Variants in MID1 observed in about 807,000 individuals in gnomAD.
MID1 encodes E3 ubiquitin-protein ligase Midline-1.
A neutral mutation model predicts 40.4 loss-of-function variants in MID1; 7 were observed. That is an observed-to-expected ratio of 0.17 (90% CI 0.10 to 0.33). MID1 has a LOEUF of 0.33. Ranked by LOEUF, MID1 falls within the 10% of genes least tolerant of loss-of-function variation. The pLI is 1.00. For synonymous variants in MID1, 229 were observed against 221.2 expected, an observed-to-expected ratio of 1.04 and a Z score of -0.31; for missense variants, 367 against 558.5, an observed-to-expected ratio of 0.66 and a Z score of 3.46.
At chrX:10,460,641 G>C (rs1409404777) in intron 7 of MID1, among the ~76,000 whole-genome samples, 1 of 110,643 alleles carries the variant, frequency 9.0e-6, no homozygotes, top group Non-Finnish European at 1.9e-5. Context: ...TCCTGACTCT[G>C]TTGAATTTCC....
intron 1 of MID1, among the ~76,000 whole-genome samples, chrX:10,602,611 T>G (rs1282018510): frequency 1.8e-5 from 2 of 112,334 alleles, no homozygotes; most frequent in East Asian, 5.5e-4. Context: ...TGGCATAACA[T>G]TTTTTAAAAA....
At chrX:10,758,483 CTTTTT>C (rs1157401550) in intron 1 of MID1, among the ~76,000 whole-genome samples, 31 of 63,863 alleles carry the variant, frequency 4.9e-4, no homozygotes, top group African/African-American at 2.4e-3. Context: ...CTTTTCTTTC[CTTTTT>C]TTTTTTTTTT....
At chrX:10,566,187 T>C (rs1420937734) in intron 2 of MID1, among the ~76,000 whole-genome samples, 1 of 111,593 alleles carries the variant, frequency 9.0e-6, no homozygotes, top group Admixed American at 9.5e-5. Flanking sequence ...AATAATTTCA[T>C]GTAAAAAATG....
At chrX:10,658,185 A>G (rs1288465109) in intron 1 of MID1, among the ~76,000 whole-genome samples, 5 of 110,195 alleles carry the variant, frequency 4.5e-5, no homozygotes, top group African/African-American at 1.6e-4. Context: ...TCTGGGAGGC[A>G]ATGCTAACCA....
chrX:10,717,951 G>T (rs1038683458), intron 1 of MID1, among the ~76,000 whole-genome samples: 1 of 111,727 alleles, frequency 9.0e-6, no homozygotes, highest in African/African-American at 3.3e-5. Context: ...TGACTACTGG[G>T]TACATAATGA....
chrX:10,728,570 G>A (rs2043416497), intron 1 of MID1, among the ~76,000 whole-genome samples: 1 of 111,918 alleles, frequency 8.9e-6, no homozygotes, highest in Admixed American at 9.5e-5. Flanking sequence ...AGTAGCCTGT[G>A]ATCCTATAAA....
Position 10,595,231 on chromosome X carries a change from C to T in MID1, c.-57+25059G>A, listed in dbSNP as rs184753701. On this transcript the variant is annotated intron_variant, in intron 1 of 9. Transcript: ENST00000317552. ...CTTTCTGGAAGTGAAATTACTATGT[C>T]GAAGACACACCCGCATATTCATGTT... Among the ~76,000 whole-genome samples the T allele has an allele frequency of 2.5e-3, 274 of 111,642 alleles. 1 individual carries two copies. Among genetic ancestry groups the T allele is most frequent in the Non-Finnish European group, 2.2e-3 (119 of 53,108 alleles).
intron 8 of MID1, among the ~76,000 whole-genome samples, chrX:10,457,799 C>T (rs1334469572): frequency 8.9e-6 from 1 of 112,580 alleles, no homozygotes; most frequent in East Asian, 2.8e-4. Flanking sequence ...ACTTTAACCA[C>T]ATGGATCAAT....
chrX:10,773,846 G>A (rs978844300), intron 1 of MID1, among the ~76,000 whole-genome samples: 2 of 111,654 alleles, frequency 1.8e-5, no homozygotes, highest in Non-Finnish European at 3.8e-5. Context: ...TTTGTTGGTC[G>A]GAACAGGGAA....
intron 1 of MID1, among the ~76,000 whole-genome samples, chrX:10,706,671 A>G (rs1404005443): frequency 9.0e-6 from 1 of 111,284 alleles, no homozygotes; most frequent in African/African-American, 3.3e-5. Flanking sequence ...TATTTCCTTT[A>G]TAAATTACCC....
At chrX:10,476,913 G>A (rs1930044758) in intron 5 of MID1, among the ~76,000 whole-genome samples, 1 of 112,219 alleles carries the variant, frequency 8.9e-6, no homozygotes, top group Admixed American at 9.4e-5. Flanking sequence ...CTTTAAAAAT[G>A]CTTTCCTTAT....
At chrX:10,703,295 C>T (rs998862905) in intron 1 of MID1, among the ~76,000 whole-genome samples, 3 of 112,414 alleles carry the variant, frequency 2.7e-5, no homozygotes, top group Non-Finnish European at 5.6e-5. Context: ...AAAATCCACA[C>T]AAGTAAATGT....
At chrX:10,546,044 T>G (rs763585045) in intron 2 of MID1, among the ~76,000 whole-genome samples, 2 of 111,384 alleles carry the variant, frequency 1.8e-5, no homozygotes, top group African/African-American at 6.5e-5. Flanking sequence ...TAGAACATCC[T>G]ACAGGGATTT....
chrX:10,476,915 T>G (rs1376278613), intron 5 of MID1, among the ~76,000 whole-genome samples: 1 of 112,385 alleles, frequency 8.9e-6, no homozygotes, highest in African/African-American at 3.2e-5. Context: ...TTAAAAATGC[T>G]TTCCTTATGA....
intron 1 of MID1, among the ~76,000 whole-genome samples, chrX:10,710,246 A>G (rs2043257662): frequency 9.0e-6 from 1 of 111,404 alleles, no homozygotes; most frequent in African/African-American, 3.3e-5. Flanking sequence ...TTAGGTAGCT[A>G]CTGGAGCTAG....
intron 1 of MID1, among the ~76,000 whole-genome samples, chrX:10,790,110 C>A (rs1315095970): frequency 9.0e-6 from 1 of 111,015 alleles, no homozygotes; most frequent in African/African-American, 3.3e-5. Context: ...CGTATCATGA[C>A]CTAAATATCA....
rs1434159421 is a variant in MID1 at position 10,449,248 on chromosome X, G to A, written c.*120C>T. On this transcript the variant is annotated 3_prime_UTR_variant, in exon 10 of 10. Coordinates refer to ENST00000317552, the MANE Select transcript of MID1 (RefSeq NM_000381.4). ...TCTTGTTTTGAGCCCTATCTGAGCC[G>A]ATTTCGGGACACTTCTGGTGAGATT... The A allele has an allele frequency of 5.0e-6, 3 of 594,228 alleles. No homozygotes were observed. The highest frequency in any genetic ancestry group is 3.6e-5 in the East Asian group (1 of 27,777). 49.0% of individuals were successfully genotyped at this position (594,228 alleles called of 1,213,427 possible).
At chrX:10,820,550 G>T (rs1364125569) in intron 1 of MID1, among the ~76,000 whole-genome samples, 1 of 111,379 alleles carries the variant, frequency 9.0e-6, no homozygotes, top group Non-Finnish European at 1.9e-5. Context: ...TCATTTCAGG[G>T]AAACACTAAA....
At chrX:10,473,443 A>G (rs149765184) in intron 6 of MID1, among the ~76,000 whole-genome samples, 1,618 of 112,242 alleles carry the variant, frequency 0.014, 21 homozygotes, top group South Asian at 0.029. Flanking sequence ...TTGCTTGACA[A>G]TGCAGAAAGG....
Sources: gnomAD v4.1 joint callset for allele counts (sites outside exome capture counted in the v4.1 genomes callset) on GRCh38, gnomAD v4.1.1 for gene constraint, MANE v1.5 for transcripts, NCBI Gene and HGNC (gene_info 2026-07-23, HGNC 2026-07-21) for gene names.